Variants in LRP1B observed in about 807,000 individuals in gnomAD.
The protein encoded by LRP1B is low-density lipoprotein receptor-related protein 1B.
Under a neutral mutation model 556.6 loss-of-function variants are expected in LRP1B, and 217 were observed. That is an observed-to-expected ratio of 0.39 (90% CI 0.35 to 0.44). The LOEUF is 0.44. Ranked by LOEUF, LRP1B falls within the 20% of genes least tolerant of loss-of-function variation. The probability of loss-of-function intolerance (pLI) is 1.00; values close to 1 mark genes in which losing one functional copy is unlikely to be tolerated. For synonymous variants in LRP1B, 2,047 were observed against 1,865.8 expected (o/e 1.10, Z -2.50); for missense variants, 5,053 against 5,620.8 (o/e 0.90, Z 3.23).
chr2:141,806,368 C>T (rs1165469402), intron 2 of LRP1B, among the ~76,000 whole-genome samples: 1 of 151,904 alleles, frequency 6.6e-6, no homozygotes, highest in African/African-American at 2.4e-5. Flanking sequence ...ATTCTCATTG[C>T]CTCATAGAGC....
rs1289522717 is a variant in LRP1B at position 140,851,690 on chromosome 2, T to A, written c.4673A>T (p.His1558Leu). 1 of 1,611,670 alleles carries A rather than the reference T, an allele frequency of 6.2e-7. No homozygotes were observed. The highest frequency in any genetic ancestry group is 8.5e-7 in the Non-Finnish European group (1 of 1,179,174). The change falls in exon 28 of 91, where the codon CAC becomes CTC. Residue 1558 changes from histidine to leucine, a missense_variant. Around this residue, in one of 5 missense-constraint regions of LRP1B, gnomAD observed 3,619 missense variants for 3,931.9 expected, o/e 0.92. Coordinates refer to ENST00000389484, the MANE Select transcript of LRP1B (RefSeq NM_018557.3). ...HNRSAACACP[H>L]LMKLSSDKKT... ...CTTGTCTGAAGAAAGCTTCATCAAG[T>A]GGGGGCACGCACAGGCAGCACTCCT...
intron 31 of LRP1B, among the ~76,000 whole-genome samples, chr2:140,816,496 C>G (rs995640170): frequency 6.6e-6 from 1 of 152,090 alleles, no homozygotes; most frequent in African/African-American, 2.4e-5. Context: ...AACATCTCTA[C>G]TTAGTATGAC....
chr2:140,998,917 A>C (rs1299341025), intron 15 of LRP1B, among the ~76,000 whole-genome samples: 1 of 152,092 alleles, frequency 6.6e-6, no homozygotes, highest in Non-Finnish European at 1.5e-5. Flanking sequence ...TCCAGTTCAC[A>C]TGACTATAAT....
At chr2:141,342,160 C>A (rs576051128) in intron 3 of LRP1B, among the ~76,000 whole-genome samples, 1 of 150,120 alleles carries the variant, frequency 6.7e-6, no homozygotes, top group South Asian at 2.1e-4. Flanking sequence ...AGGAGAATGG[C>A]GTGAACTTGG....
chr2:140,490,577 G>T (rs1192400534), intron 57 of LRP1B, among the ~76,000 whole-genome samples: 1 of 152,098 alleles, frequency 6.6e-6, no homozygotes, highest in Non-Finnish European at 1.5e-5. Context: ...GAGAAAATGT[G>T]CAGAGATAAT....
At chr2:140,912,411 A>C (rs982029354) in intron 21 of LRP1B, among the ~76,000 whole-genome samples, 6 of 151,668 alleles carry the variant, frequency 4.0e-5, no homozygotes, top group African/African-American at 1.4e-4. Context: ...AGTAGTTATT[A>C]ATAATAGTAA....
chr2:140,753,613 G>A (rs1448337572), intron 35 of LRP1B, among the ~76,000 whole-genome samples: 6 of 152,082 alleles, frequency 3.9e-5, no homozygotes, highest in Non-Finnish European at 8.8e-5. Flanking sequence ...ACCAAAAGAA[G>A]ATGTTATTTA....
intron 29 of LRP1B, among the ~76,000 whole-genome samples, chr2:140,848,203 T>G (rs918654803): frequency 4.6e-5 from 7 of 152,204 alleles, no homozygotes; most frequent in African/African-American, 1.7e-4. Context: ...TTCAAGGAAT[T>G]TAATGACATT....
chr2:141,180,845 T>C (rs1415036880), intron 7 of LRP1B, among the ~76,000 whole-genome samples: 6 of 151,844 alleles, frequency 4.0e-5, no homozygotes, highest in East Asian at 1.9e-4. Context: ...TTGGAACAAA[T>C]AATATTTGTT....
At chr2:141,912,046 G>A (rs1041311728) in intron 1 of LRP1B, among the ~76,000 whole-genome samples, 4 of 152,070 alleles carry the variant, frequency 2.6e-5, no homozygotes, top group South Asian at 2.1e-4. Flanking sequence ...GTAATGGACC[G>A]CCATATATTT....
chr2:140,365,093 T>C (rs963283431), intron 71 of LRP1B, among the ~76,000 whole-genome samples: 1 of 151,682 alleles, frequency 6.6e-6, no homozygotes, highest in African/African-American at 2.4e-5. Context: ...TTTATGTTAC[T>C]GAATACACAG....
intron 2 of LRP1B, among the ~76,000 whole-genome samples, chr2:141,806,898 C>G (rs1457916631): frequency 6.6e-6 from 1 of 151,938 alleles, no homozygotes; most frequent in East Asian, 1.9e-4. Flanking sequence ...AGTGGTCTTT[C>G]TATCATTTTA....
intron 3 of LRP1B, among the ~76,000 whole-genome samples, chr2:141,454,390 A>G (rs912279864): frequency 1.3e-5 from 2 of 152,280 alleles, no homozygotes; most frequent in Non-Finnish European, 2.9e-5. Context: ...AGACAAGAGA[A>G]GTGCTGGCAA....
At chr2:141,797,186 T>TAA (rs1553465640) in intron 2 of LRP1B, among the ~76,000 whole-genome samples, 4 of 132,412 alleles carry the variant, frequency 3.0e-5, no homozygotes, top group Admixed American at 7.7e-5. Flanking sequence ...TATATATATA[T>TAA]AACTATATAT....
intron 3 of LRP1B, among the ~76,000 whole-genome samples, chr2:141,408,029 G>A (rs752549016): frequency 1.3e-5 from 2 of 152,068 alleles, no homozygotes; most frequent in Non-Finnish European, 2.9e-5. Flanking sequence ...TGGTTTTCAG[G>A]AGAAATCTTC....
intron 3 of LRP1B, among the ~76,000 whole-genome samples, chr2:141,455,750 A>G (rs1681606774): frequency 1.3e-5 from 2 of 152,244 alleles, no homozygotes; most frequent in African/African-American, 4.8e-5. Flanking sequence ...TCTGCTAGGC[A>G]TCAGAAGCAC....
chr2:140,526,256 A>C lies in LRP1B; in HGVS notation c.7857T>G (p.Ala2619=). The C allele has an allele frequency of 6.2e-7, 1 of 1,611,806 alleles. No homozygotes were observed. Among genetic ancestry groups the C allele is most frequent in the Non-Finnish European group, 8.5e-7 (1 of 1,178,494 alleles). The change falls in exon 48 of 91, where the codon GCT becomes GCG. Residue 2619 remains alanine, a synonymous_variant. Coordinates refer to ENST00000389484, the MANE Select transcript of LRP1B (RefSeq NM_018557.3). The part of the protein sequence containing the change: ...RCNQNIDCAD[A]SDEKNCNNTD... ...TCTTACTGCAGTTCTTTTCATCTGA[A>C]GCATCTGCACAATCTATGTTCTGGT...
At chr2:141,548,609 T>C (rs895612326) in intron 2 of LRP1B, among the ~76,000 whole-genome samples, 2 of 152,214 alleles carry the variant, frequency 1.3e-5, no homozygotes, top group African/African-American at 4.8e-5. Context: ...TAAAGATCTT[T>C]GACCTTGGGT....
chr2:141,537,907 T>C (rs551388228), intron 2 of LRP1B, among the ~76,000 whole-genome samples: 2 of 152,240 alleles, frequency 1.3e-5, no homozygotes, highest in South Asian at 4.1e-4. Context: ...CTTGTGGAAT[T>C]CCACCCATAA....
Sources: allele counts gnomAD v4.1 joint callset (sites outside exome capture counted in the v4.1 genomes callset), GRCh38; gene constraint gnomAD v4.1.1; regional missense constraint gnomAD v4.1.1; transcripts MANE v1.5; gene names NCBI Gene and HGNC (gene_info 2026-07-23, HGNC 2026-07-21).